The following KCNH7 variants were observed in gnomAD, a reference collection of about 807,000 sequenced individuals.
KCNH7 encodes potassium voltage-gated channel subfamily H member 7, also known as voltage-gated inwardly rectifying potassium channel KCNH7.
A neutral mutation model predicts 120.8 loss-of-function variants in KCNH7; 49 were observed. The ratio of observed to expected loss-of-function variants is 0.41; its 90% CI spans 0.32 to 0.51. The LOEUF is 0.51. Among genes scored for constraint, KCNH7 ranks in the 20% least tolerant of loss-of-function variants. The pLI is 0.38. For synonymous variants in KCNH7, 547 were observed against 516.1 expected (o/e 1.06, Z -0.81); for missense variants, 1,097 against 1,446.6 (o/e 0.76, Z 3.92).
rs180820686 is a variant in KCNH7 at position 162,458,430 on chromosome 2, T to C, written c.1129-11987A>G. On this transcript the variant is annotated intron_variant, in intron 6 of 15. Coordinates refer to ENST00000332142, the MANE Select transcript of KCNH7 (RefSeq NM_033272.4). ...ATGCCTCTTGGTTTTGTCTCGCAGC[T>C]CCTATGCCATATGGATTTGAGGGAC... Among the ~76,000 whole-genome samples the C allele has an allele frequency of 4.6e-3, 705 of 152,190 alleles. 4 individuals carry two copies. Among genetic ancestry groups the C allele is most frequent in the Non-Finnish European group, 7.7e-3 (525 of 67,996 alleles).
intron 2 of KCNH7, among the ~76,000 whole-genome samples, chr2:162,756,249 A>C (rs544513229): frequency 8.5e-5 from 13 of 152,282 alleles, no homozygotes; most frequent in African/African-American, 3.1e-4. Flanking sequence ...TATAGAAACA[A>C]CCAAAAGAGG....
intron 9 of KCNH7, among the ~76,000 whole-genome samples, chr2:162,422,081 A>G (rs756693029): frequency 6.6e-6 from 1 of 152,168 alleles, no homozygotes; most frequent in Non-Finnish European, 1.5e-5. Context: ...TTTCACAAGG[A>G]ACTTTGGAAT....
chr2:162,621,594 G>A (rs746115260), intron 2 of KCNH7, among the ~76,000 whole-genome samples: 1 of 152,048 alleles, frequency 6.6e-6, no homozygotes, highest in African/African-American at 2.4e-5. Context: ...GAATTATTAT[G>A]TGCATATATA....
At chr2:162,442,069 T>G (rs1688438875) in intron 7 of KCNH7, among the ~76,000 whole-genome samples, 1 of 126,480 alleles carries the variant, frequency 7.9e-6, no homozygotes, top group South Asian at 2.9e-4. Flanking sequence ...CAGGCTGGAG[T>G]GCAGTGGTGC....
chr2:162,571,582 C>T (rs1282429124), intron 2 of KCNH7, among the ~76,000 whole-genome samples: 10 of 148,668 alleles, frequency 6.7e-5, no homozygotes, highest in African/African-American at 2.5e-4. Context: ...GAGCCTGCAT[C>T]GCCAAGTCAA....
At chr2:162,715,747 T>C (rs1687096903) in intron 2 of KCNH7, among the ~76,000 whole-genome samples, 1 of 152,204 alleles carries the variant, frequency 6.6e-6, no homozygotes, top group South Asian at 2.1e-4. Context: ...AAAGGGTACA[T>C]ATATGTCTCT....
Position 162,518,038 on chromosome 2 carries a change from A to G in KCNH7, c.584T>C (p.Val195Ala), listed in dbSNP as rs976347140. Residue 195 changes from valine to alanine, a missense_variant, in exon 4 of 16, where the codon GTA (valine) becomes GCA (alanine). Val to Ala is a moderately conservative substitution (Grantham distance 64, BLOSUM62 0). Around this residue, in one of 8 missense-constraint regions of KCNH7, gnomAD observed 362 missense variants for 372.2 expected, o/e 0.97. Transcript: ENST00000332142. Reference protein sequence around the residue: ...IDSSKHSDDSVAMKHFKSPTK... With the variant: ...IDSSKHSDDSAAMKHFKSPTK... ...AGGAGACTTAAAATGCTTCATGGCT[A>G]CTGAATCATCACTGTGTTTAGATGA... 6.2e-7 allele frequency: 1 copy of G among 1,612,504 alleles called. No homozygotes were observed. Among genetic ancestry groups the G allele is most frequent in the Non-Finnish European group, 8.5e-7 (1 of 1,178,924 alleles).
intron 7 of KCNH7, among the ~76,000 whole-genome samples, chr2:162,438,896 T>C (rs1052632946): frequency 2.6e-5 from 4 of 152,170 alleles, no homozygotes; most frequent in Non-Finnish European, 5.9e-5. Flanking sequence ...GTGATTGCAT[T>C]AAAATCTAAG....
intron 2 of KCNH7, among the ~76,000 whole-genome samples, chr2:162,615,040 C>A (rs1035784337): frequency 1.3e-5 from 2 of 152,160 alleles, no homozygotes; most frequent in African/African-American, 4.8e-5. Context: ...CTGCCATTCT[C>A]TAACATACTT....
chr2:162,468,247 T>A (rs1471688839), intron 6 of KCNH7, among the ~76,000 whole-genome samples: 1 of 152,054 alleles, frequency 6.6e-6, no homozygotes, highest in East Asian at 1.9e-4. Context: ...AAATTTCCAA[T>A]CAGAGAAGAA....
At chr2:162,420,641 A>G (rs546695890) in intron 9 of KCNH7, among the ~76,000 whole-genome samples, 10 of 152,286 alleles carry the variant, frequency 6.6e-5, no homozygotes, top group Non-Finnish European at 1.3e-4. Flanking sequence ...TCTATCAAAC[A>G]ATCGAATGGT....
intron 3 of KCNH7, among the ~76,000 whole-genome samples, chr2:162,520,584 A>G (rs756992654): frequency 3.3e-5 from 5 of 151,750 alleles, no homozygotes; most frequent in Non-Finnish European, 7.4e-5. Flanking sequence ...ACATAGCAAG[A>G]ACCCCCATCT....
intron 6 of KCNH7, among the ~76,000 whole-genome samples, chr2:162,484,378 T>A (rs1008615443): frequency 8.5e-5 from 13 of 152,130 alleles, no homozygotes; most frequent in Non-Finnish European, 1.9e-4. Flanking sequence ...ATTCTCCTTT[T>A]CAGCATCCTG....
At chr2:162,708,482 G>T (rs899815914) in intron 2 of KCNH7, among the ~76,000 whole-genome samples, 46 of 152,092 alleles carry the variant, frequency 3.0e-4, no homozygotes, top group African/African-American at 1.1e-3. Context: ...CTCTCTAGGG[G>T]AACACCTCAT....
At chr2:162,555,252 C>T (rs1024606683) in intron 2 of KCNH7, among the ~76,000 whole-genome samples, 8 of 152,086 alleles carry the variant, frequency 5.3e-5, no homozygotes, top group Admixed American at 3.9e-4. Context: ...GAAGTAAATC[C>T]GTCCTTCCTC....
In KCNH7 at chr2:162,436,674, T is replaced by G. The variant is rs80280228; in HGVS notation, c.1555-1077A>C. Among the ~76,000 whole-genome samples, 505 of 152,290 alleles carry G rather than the reference T, an allele frequency of 3.3e-3. 13 individuals are homozygous for G. In the East Asian group the frequency reaches 0.087, roughly 26 times the overall value. ...AGTTATTTTATCTGTTCATTGTTGC[T>G]GCTTATTTCCCAAAGCACATCCAAC... On this transcript the variant is annotated intron_variant, in intron 7 of 15. Coordinates refer to ENST00000332142, the MANE Select transcript of KCNH7 (RefSeq NM_033272.4).
intron 2 of KCNH7, among the ~76,000 whole-genome samples, chr2:162,666,748 T>C (rs536681812): frequency 2.0e-5 from 3 of 152,142 alleles, no homozygotes; most frequent in Non-Finnish European, 4.4e-5. Context: ...TTGATCACAT[T>C]ATATCATTTA....
intron 6 of KCNH7, among the ~76,000 whole-genome samples, chr2:162,487,430 T>G (rs1690136944): frequency 2.0e-5 from 3 of 152,094 alleles, no homozygotes; most frequent in African/African-American, 7.2e-5. Flanking sequence ...TTTAAAAACT[T>G]CAAGATTCTC....
chr2:162,765,601 T>C (rs997290704), intron 2 of KCNH7, among the ~76,000 whole-genome samples: 4 of 152,198 alleles, frequency 2.6e-5, no homozygotes, highest in African/African-American at 9.7e-5. Context: ...AAATGTTTAT[T>C]GAATTTAATA....
Sources: allele counts gnomAD v4.1 joint callset (sites outside exome capture counted in the v4.1 genomes callset), GRCh38; gene constraint gnomAD v4.1.1; regional missense constraint gnomAD v4.1.1; transcripts MANE v1.5; gene names NCBI Gene and HGNC (gene_info 2026-07-23, HGNC 2026-07-21).